The following CCDC9 variants were observed in gnomAD, a reference collection of about 807,000 sequenced individuals.
CCDC9 encodes coiled-coil domain-containing protein 9.
Under a neutral mutation model 65.6 loss-of-function variants are expected in CCDC9, and 52 were observed. That is an observed-to-expected ratio of 0.79 (90% CI 0.63 to 1.00). CCDC9 has a LOEUF of 1.00. Among genes scored for constraint, CCDC9 ranks in the 50% least tolerant of loss-of-function variants. The pLI, the probability that CCDC9 is intolerant of heterozygous loss-of-function variation, is 0.00. For synonymous variants in CCDC9, 332 were observed against 280.3 expected (o/e 1.18, Z -1.84); for missense variants, 834 against 757.2 (o/e 1.10, Z -1.19).
chr19:47,270,578 G>A lies in CCDC9; in HGVS notation c.975G>A (p.Pro325=), dbSNP rs746876329. The change falls in exon 10 of 12, where the codon CCG becomes CCA. Residue 325 remains proline, a synonymous_variant. Coordinates refer to ENST00000221922, the MANE Select transcript of CCDC9 (RefSeq NM_015603.3). ...RYDDQAWARP[P]KPPTFGEFLS... ...ATGACCAGGCCTGGGCCCGGCCCCC[G>A]AAGCCCCCTACTTTTGGGGAGTTCC... 1.5e-5 allele frequency: 24 copies of A among 1,613,886 alleles called. No homozygotes were observed. The highest frequency in any genetic ancestry group is 2.2e-5 in the East Asian group (1 of 44,868).
At chr19:47,263,816 G>A (rs1436205425) in intron 5 of CCDC9, among the ~76,000 whole-genome samples, 6 of 151,552 alleles carry the variant, frequency 4.0e-5, no homozygotes, top group African/African-American at 7.3e-5. Context: ...CACCTGCCTC[G>A]GCCTTCCAAA....
chr19:47,265,932 C>T (rs763598910), intron 7 of CCDC9, among the ~76,000 whole-genome samples: 8 of 143,180 alleles, frequency 5.6e-5, no homozygotes, highest in East Asian at 2.1e-4. Flanking sequence ...GTGATCTGCC[C>T]GCCTCAGCCT....
At chr19:47,267,995 G>A (rs1283122678) in intron 8 of CCDC9, among the ~76,000 whole-genome samples, 1 of 151,992 alleles carries the variant, frequency 6.6e-6, no homozygotes, top group Non-Finnish European at 1.5e-5. Context: ...TTACAGGCAC[G>A]TGCCACCACA....
downstream of CCDC9, among the ~76,000 whole-genome samples, chr19:47,272,344 C>T (rs933399462): frequency 6.6e-6 from 1 of 151,146 alleles, no homozygotes; most frequent in East Asian, 1.9e-4. Flanking sequence ...AGGGGTGGGG[C>T]AAAGGGGCAA....
At chr19:47,274,003 C>T (rs746983009), downstream of CCDC9, 4 of 983,738 alleles carry the variant, frequency 4.1e-6, no homozygotes, top group African/African-American at 5.2e-5. Flanking sequence ...TGGGAGGGGA[C>T]TGAAGCTTCC....
chr19:47,267,916 C>T (rs897130125), intron 8 of CCDC9, among the ~76,000 whole-genome samples: 3 of 151,740 alleles, frequency 2.0e-5, no homozygotes, highest in South Asian at 2.1e-4. Context: ...GATGTGATCT[C>T]GGCTCACTGC....
chr19:47,259,882 G>C (rs1411069897), intron 3 of CCDC9, among the ~76,000 whole-genome samples: 1 of 152,178 alleles, frequency 6.6e-6, no homozygotes. Context: ...CTCAGGGAAG[G>C]CCTCACGAGA....
chr19:47,269,167 T>A (rs1452064272), intron 8 of CCDC9, among the ~76,000 whole-genome samples: 1 of 152,076 alleles, frequency 6.6e-6, no homozygotes, highest in Non-Finnish European at 1.5e-5. Flanking sequence ...CTCCTCTATG[T>A]CATGGAAGGT....
chr19:47,264,054 G>T (rs118042891), intron 5 of CCDC9, among the ~76,000 whole-genome samples: 2 of 150,596 alleles, frequency 1.3e-5, no homozygotes, highest in East Asian at 4.0e-4. Context: ...AATTTTTTTC[G>T]TATTTTTAGT....
At chr19:47,266,365 T>A in intron 7 of CCDC9, 1 of 455,166 alleles carries the variant, frequency 2.2e-6, no homozygotes, top group Non-Finnish European at 3.8e-6. Flanking sequence ...TAAATGAAAA[T>A]ATAGTGAGAT....
intron 5 of CCDC9, among the ~76,000 whole-genome samples, chr19:47,264,164 A>G (rs537831370): frequency 6.6e-6 from 1 of 152,176 alleles, no homozygotes; most frequent in Non-Finnish European, 1.5e-5. Flanking sequence ...TACAGGCGTG[A>G]GCCACCGCGC....
At chr19:47,267,360 C>G (rs1420309683) in intron 8 of CCDC9, among the ~76,000 whole-genome samples, 1 of 151,938 alleles carries the variant, frequency 6.6e-6, no homozygotes, top group Non-Finnish European at 1.5e-5. Flanking sequence ...CTCACTGCAA[C>G]CTCCGCCTCC....
At chr19:47,275,436 C>G (rs1046963480), downstream of CCDC9, 1 of 1,441,642 alleles carries the variant, frequency 6.9e-7, no homozygotes, top group Non-Finnish European at 9.2e-7. Flanking sequence ...TTGGTCCGGC[C>G]TTCTTCCTAA....
chr19:47,259,661 G>A (rs1350621823), intron 3 of CCDC9, among the ~76,000 whole-genome samples: 1 of 152,154 alleles, frequency 6.6e-6, no homozygotes, highest in African/African-American at 2.4e-5. Flanking sequence ...TTTTAAAAAA[G>A]GCATATTGAA....
chr19:47,275,208 C>T (rs1030630842), downstream of CCDC9: 7 of 1,525,138 alleles, frequency 4.6e-6, no homozygotes, highest in East Asian at 7.9e-5. Flanking sequence ...CTCCTGCCTC[C>T]TGGGAGTCCC....
At chr19:47,274,436 G>A (rs2059143368), downstream of CCDC9, 2 of 152,894 alleles carry the variant, frequency 1.3e-5, no homozygotes, top group African/African-American at 4.8e-5. Flanking sequence ...TCCGGAACTA[G>A]AGTGTGGGAG....
chr19:47,258,018 CTA>C, intron 1 of CCDC9: 2 of 289,674 alleles, frequency 6.9e-6, no homozygotes, highest in Admixed American at 4.9e-5. Context: ...GGCGGCTGGC[CTA>C]GAATCAGCCT....
chr19:47,257,814 T>TG (rs2059020915), intron 1 of CCDC9: 1 of 156,980 alleles, frequency 6.4e-6, no homozygotes, highest in African/African-American at 2.4e-5. Context: ...GGTTCGGACT[T>TG]TCTTTGAGCG....
downstream of CCDC9, chr19:47,272,205 C>G (rs1391993913): frequency 8.4e-7 from 1 of 1,189,892 alleles, no homozygotes; most frequent in African/African-American, 1.6e-5. Context: ...GCTGCTTCCT[C>G]TTTCTCTGGG....
Sources: gnomAD v4.1 joint callset for allele counts (sites outside exome capture counted in the v4.1 genomes callset) on GRCh38, gnomAD v4.1.1 for gene constraint, MANE v1.5 for transcripts, NCBI Gene and HGNC (gene_info 2026-07-23, HGNC 2026-07-21) for gene names.